TRAF3IP2: variants seen among roughly 807,000 people sequenced by gnomAD.
TRAF3IP2 encodes the protein E3 ubiquitin ligase TRAF3IP2.
A neutral mutation model predicts 57.9 loss-of-function variants in TRAF3IP2; 35 were observed. The observed-to-expected ratio is 0.60, with a 90% CI of 0.46 to 0.80. The LOEUF (loss-of-function observed/expected upper bound fraction) is 0.80, where lower values mean the gene tolerates loss of function less well. Ranked by LOEUF, TRAF3IP2 falls within the 30% of genes least tolerant of loss-of-function variation. TRAF3IP2 has a pLI of 0.00. For synonymous variants in TRAF3IP2, 251 were observed against 268.9 expected, an observed-to-expected ratio of 0.93 and a Z score of 0.65; for missense variants, 556 against 706.4, an observed-to-expected ratio of 0.79 and a Z score of 2.41.
chr6:111,569,490 G>A (rs952557554), intron 5 of TRAF3IP2, among the ~76,000 whole-genome samples: 3 of 152,158 alleles, frequency 2.0e-5, no homozygotes, highest in African/African-American at 7.2e-5. Flanking sequence ...GGTGGCTCAC[G>A]CCTGTAATCC....
At chr6:111,596,890 C>T (rs1001703108) in intron 1 of TRAF3IP2, among the ~76,000 whole-genome samples, 2 of 152,240 alleles carry the variant, frequency 1.3e-5, no homozygotes, top group Non-Finnish European at 2.9e-5. Flanking sequence ...AGCCACCACG[C>T]CTGGCCTGGG....
intron 2 of TRAF3IP2, among the ~76,000 whole-genome samples, chr6:111,588,466 C>T (rs1172577642): frequency 1.3e-5 from 2 of 152,246 alleles, no homozygotes; most frequent in African/African-American, 2.4e-5. Context: ...CGCTCACCTC[C>T]AAAGACTGGA....
At chr6:111,566,681 C>T (rs1348846390) in intron 6 of TRAF3IP2, 121 bp from the exon 7 acceptor site, 1 of 869,984 alleles carries the variant, frequency 1.1e-6, no homozygotes, top group East Asian at 2.4e-5. Flanking sequence ...CACTGGCCCC[C>T]ACTCAGGCAG....
chr6:111,582,771 C>T (rs1796207022), intron 2 of TRAF3IP2, among the ~76,000 whole-genome samples: 1 of 152,168 alleles, frequency 6.6e-6, no homozygotes, highest in Non-Finnish European at 1.5e-5. Context: ...GTGGACTGCA[C>T]TTACAATCCA....
intron 3 of TRAF3IP2, among the ~76,000 whole-genome samples, chr6:111,578,827 G>A (rs1440715918): frequency 6.6e-6 from 1 of 152,052 alleles, no homozygotes; most frequent in Admixed American, 6.5e-5. Flanking sequence ...CACTCTAATA[G>A]GAACTTCATA....
rs760085841 is a variant in TRAF3IP2 at position 111,559,478 on chromosome 6, C to T, written c.1625G>A (p.Arg542Gln). 15 of 1,614,194 alleles carry T rather than the reference C, an allele frequency of 9.3e-6. No homozygotes were observed. Among genetic ancestry groups the T allele is most frequent in the African/African-American group, 1.3e-5 (1 of 75,050 alleles). The change falls in exon 9 of 9, where the codon CGG (arginine) becomes CAG (glutamine). Residue 542 changes from arginine to glutamine, a missense_variant. This residue lies in a region of TRAF3IP2 where 128 missense variants were observed against 207.7 expected (regional missense o/e 0.62). Transcript: ENST00000368761. ...WPKNKKNILL[R>Q]LLREEEYVAP... ...CACATACTCTTCCTCTCTCAGCAGC[C>T]GCAGCAGGATGTTTTTTTTATTCTT...
intron 2 of TRAF3IP2, among the ~76,000 whole-genome samples, chr6:111,582,882 C>T (rs1796210360): frequency 6.6e-6 from 1 of 152,174 alleles, no homozygotes; most frequent in Non-Finnish European, 1.5e-5. Context: ...CAAACTTGTC[C>T]TCTCCTTTGG....
At chr6:111,566,947 G>A (rs928701908) in intron 6 of TRAF3IP2, 13 of 338,854 alleles carry the variant, frequency 3.8e-5, no homozygotes, top group Admixed American at 8.8e-5. Flanking sequence ...CACTGCACTC[G>A]ACTGCCCTGT....
chr6:111,604,633 C>A (rs73764480), intron 1 of TRAF3IP2, among the ~76,000 whole-genome samples: 2,530 of 152,326 alleles, frequency 0.017, 59 homozygotes, highest in African/African-American at 0.047. Flanking sequence ...GCCTTTCGCC[C>A]TGACTGCTGC....
chr6:111,598,534 ACT>A (rs1796766564), intron 1 of TRAF3IP2, among the ~76,000 whole-genome samples: 1 of 152,180 alleles, frequency 6.6e-6, no homozygotes, highest in Admixed American at 6.5e-5. Context: ...CTGAAATGGA[ACT>A]ATCTCTAAGA....
At chr6:111,566,891 A>C (rs1795658902) in intron 6 of TRAF3IP2, 1 of 372,862 alleles carries the variant, frequency 2.7e-6, no homozygotes. Context: ...CAACACCAAC[A>C]GTAAGAAGCA....
At chr6:111,559,969 G>A (rs993223203) in intron 8 of TRAF3IP2, among the ~76,000 whole-genome samples, 4 of 152,222 alleles carry the variant, frequency 2.6e-5, no homozygotes, top group Non-Finnish European at 5.9e-5. Context: ...CTGGCCTGCA[G>A]TAGAAGGAGC....
intron 1 of TRAF3IP2, among the ~76,000 whole-genome samples, chr6:111,593,027 A>G (rs551893703): frequency 1.3e-5 from 2 of 152,194 alleles, no homozygotes; most frequent in Non-Finnish European, 2.9e-5. Context: ...CACCTAACAC[A>G]ATGAGAAAGA....
intron 1 of TRAF3IP2, chr6:111,600,378 C>T (rs1796828300): frequency 6.6e-6 from 1 of 152,186 alleles, no homozygotes. Context: ...TAAAACAAGC[C>T]TAGGCCATAA....
chr6:111,593,948 T>A (rs1395312786), intron 1 of TRAF3IP2, among the ~76,000 whole-genome samples: 1 of 152,044 alleles, frequency 6.6e-6, no homozygotes, highest in Non-Finnish European at 1.5e-5. Flanking sequence ...CTGGCTAACA[T>A]GGCAAAACCC....
intron 1 of TRAF3IP2, chr6:111,599,950 C>G (rs2128385864): frequency 6.6e-6 from 1 of 152,312 alleles, no homozygotes; most frequent in Admixed American, 6.5e-5. Context: ...GTTCAGACTC[C>G]CTAGGGTTAA....
rs535884504 is a variant in TRAF3IP2, at chr6:111,559,731, G to A, written c.1552-180C>T. Among the ~76,000 whole-genome samples the A allele has an allele frequency of 4.6e-5, 7 of 152,288 alleles. No homozygotes were observed. In the East Asian group the frequency reaches 9.6e-4, roughly 21 times the overall value. On this transcript the variant is annotated intron_variant, in intron 8 of 8. Coordinates refer to ENST00000368761, the MANE Select transcript of TRAF3IP2 (RefSeq NM_147686.4). ...TAGCATGTGAAATGTTCTTGGCTTC[G>A]GGTACAAGCTGTATATCTCATTATA... is the stretch of plus-strand genomic sequence containing the variant.
At position 111,591,975 on chromosome 6, in the gene TRAF3IP2, T is replaced by C; in HGVS notation, c.112A>G (p.Asn38Asp). The change falls in exon 2 of 9, where the codon AAT (asparagine) becomes GAT (aspartate). Residue 38 changes from asparagine (N) to aspartate (D), a missense_variant. Asn to Asp is a conservative substitution (Grantham distance 23, BLOSUM62 1). Transcript: ENST00000368761. The surrounding 1 kb of genome is among the most constrained non-coding windows in gnomAD (Gnocchi z 4.9). ...CTGTTGGGTGCCATGTTCCTTATAT[T>C]TGGAGCAGGTGGTTCTGATTCCTCT... ...PEEESEPPAP[N>D]IRNMAPNSLS... 6.2e-7 allele frequency: 1 copy of C among 1,614,216 alleles called. No homozygotes were observed. The highest frequency in any genetic ancestry group is 8.5e-7 in the Non-Finnish European group (1 of 1,180,044).
chr6:111,604,704 G>C (rs568299683), intron 1 of TRAF3IP2, among the ~76,000 whole-genome samples: 10 of 152,188 alleles, frequency 6.6e-5, no homozygotes, highest in Admixed American at 2.0e-4. Context: ...GACATGGAAG[G>C]GGGGTGAGCA....
Sources: gnomAD v4.1 joint callset for allele counts (sites outside exome capture counted in the v4.1 genomes callset) on GRCh38, gnomAD v4.1.1 for gene constraint, gnomAD v4.1.1 regional missense constraint, Gnocchi (gnomAD v3.1) non-coding constraint, MANE v1.5 for transcripts, NCBI Gene and HGNC (gene_info 2026-07-23, HGNC 2026-07-21) for gene names.